The following CADM2 variants were observed in gnomAD, a reference collection of about 807,000 sequenced individuals.
CADM2 encodes the protein immunoglobulin superfamily member 4D.
In CADM2, 12 loss-of-function variants were observed where a neutral mutation model predicts 49.8. The ratio of observed to expected loss-of-function variants is 0.24; its 90% CI spans 0.15 to 0.39. CADM2 has a LOEUF of 0.39. CADM2 is among the 10% of genes least tolerant of loss of function. The pLI, the probability that CADM2 is intolerant of heterozygous loss-of-function variation, is 1.00. For missense variants in CADM2, 378 were observed against 492.3 expected (o/e 0.77, Z 2.20); for synonymous variants, 214 against 175.4 (o/e 1.22, Z -1.74).
chr3:85,430,310 G>C (rs994770442), intron 1 of CADM2, among the ~76,000 whole-genome samples: 1 of 152,024 alleles, frequency 6.6e-6, no homozygotes, highest in African/African-American at 2.4e-5. Flanking sequence ...TTATGATCAT[G>C]TTTCCTATTT....
At chr3:85,360,789 A>ATGT in intron 1 of CADM2, among the ~76,000 whole-genome samples, 1 of 152,272 alleles carries the variant, frequency 6.6e-6, no homozygotes, top group South Asian at 2.1e-4. Context: ...GAGTGTTGTT[A>ATGT]CAAACTGGTG....
At chr3:85,658,842 G>A (rs1204825824) in intron 1 of CADM2, among the ~76,000 whole-genome samples, 2 of 149,850 alleles carry the variant, frequency 1.3e-5, no homozygotes, top group Non-Finnish European at 3.0e-5. Flanking sequence ...CTTAATGCCA[G>A]GAGATGGAGA....
intron 1 of CADM2, among the ~76,000 whole-genome samples, chr3:85,418,243 A>G (rs1272776556): frequency 1.3e-5 from 2 of 152,142 alleles, no homozygotes; most frequent in African/African-American, 2.4e-5. Flanking sequence ...CAAAATCCAT[A>G]GAATTTACAA....
At chr3:85,131,587 T>C (rs1001399339) in intron 1 of CADM2, among the ~76,000 whole-genome samples, 6 of 152,190 alleles carry the variant, frequency 3.9e-5, no homozygotes, top group East Asian at 3.9e-4. Flanking sequence ...GGATACTATA[T>C]AGCGGGGCCC....
At chr3:85,550,978 G>GTTTA (rs570441969) in intron 1 of CADM2, among the ~76,000 whole-genome samples, 8,379 of 115,322 alleles carry the variant, frequency 0.073, 528 homozygotes, top group African/African-American at 0.16. Context: ...TTGTTTGTTT[G>GTTTA]TTTATTTATT....
At chr3:85,565,511 T>C (rs922770143) in intron 1 of CADM2, among the ~76,000 whole-genome samples, 2 of 152,072 alleles carry the variant, frequency 1.3e-5, no homozygotes, top group African/African-American at 4.8e-5. Context: ...AGCATAATAC[T>C]TTATTTTTTA....
intron 1 of CADM2, among the ~76,000 whole-genome samples, chr3:85,188,195 G>A (rs2041110309): frequency 6.6e-6 from 1 of 151,946 alleles, no homozygotes; most frequent in African/African-American, 2.4e-5. Flanking sequence ...ATTTTAAAAT[G>A]TTTTCAGCAT....
chr3:85,304,471 C>T (rs1227875413), intron 1 of CADM2, among the ~76,000 whole-genome samples: 1 of 151,642 alleles, frequency 6.6e-6, no homozygotes, highest in Non-Finnish European at 1.5e-5. Flanking sequence ...ACTGACACTG[C>T]CAGCTCCACT....
chr3:85,613,627 T>G (rs1231862565), intron 1 of CADM2, among the ~76,000 whole-genome samples: 1 of 151,602 alleles, frequency 6.6e-6, no homozygotes, highest in Non-Finnish European at 1.5e-5. Flanking sequence ...CACTTTATAA[T>G]AATAACTAAT....
At position 85,708,429 on chromosome 3, in the gene CADM2, T is replaced by C. The variant is rs190413791; in HGVS notation, c.62-18093T>C. ...TAACTAACTTTGGGAGTCAGGGTAT[T>C]GCACCTCAACAAGCCGCAGTCTTTA... On this transcript the variant is annotated intron_variant, in intron 1 of 9. Coordinates refer to ENST00000383699, the MANE Select transcript of CADM2 (RefSeq NM_001167675.2). 7.7e-3 allele frequency among the ~76,000 whole-genome samples: 1,179 copies of C among 152,236 alleles called. 6 individuals are homozygous for C. Among genetic ancestry groups the C allele is most frequent in the Middle Eastern group, 0.02 (6 of 294 alleles).
At chr3:86,063,736 G>A (rs1235936085) in intron 8 of CADM2, among the ~76,000 whole-genome samples, 1 of 152,124 alleles carries the variant, frequency 6.6e-6, no homozygotes, top group African/African-American at 2.4e-5. Flanking sequence ...CTATTTGTCA[G>A]ATTAATGTTC....
Position 86,067,475 on chromosome 3 carries a change from T to G in CADM2, c.*692T>G, listed in dbSNP as rs1482249824. The G allele has an allele frequency of 6.6e-6, 1 of 152,558 alleles. No homozygotes were observed. The highest frequency in any genetic ancestry group is 1.5e-5 in the Non-Finnish European group (1 of 67,970). The allele number at this position is 152,558 out of a possible 1,614,324, so 9.5% of individuals were successfully genotyped here. A position where few individuals can be genotyped will look rare whatever the true frequency, so the allele number is the denominator to read the frequency against. On this transcript the variant is annotated 3_prime_UTR_variant, in exon 10 of 10. Coordinates refer to ENST00000383699, the MANE Select transcript of CADM2 (RefSeq NM_001167675.2). The stretch of plus-strand genomic sequence containing the variant: ...TTCTATAATTATAGAGATCTTACTA[T>G]TAGGATATTGTAGCTTCATTTACCA...
At chr3:85,652,964 G>A (rs1010373020) in intron 1 of CADM2, among the ~76,000 whole-genome samples, 12 of 150,826 alleles carry the variant, frequency 8.0e-5, no homozygotes, top group Admixed American at 6.6e-5. Flanking sequence ...AAGTAGAGAC[G>A]GGGTTTCACC....
chr3:85,626,302 G>C (rs775848856), intron 1 of CADM2, among the ~76,000 whole-genome samples: 9 of 151,798 alleles, frequency 5.9e-5, no homozygotes, highest in Non-Finnish European at 1.0e-4. Context: ...CTATCAACTT[G>C]TTCTTAGTCA....
chr3:85,789,508 A>G (rs144061588), intron 2 of CADM2, among the ~76,000 whole-genome samples: 4 of 152,250 alleles, frequency 2.6e-5, no homozygotes, highest in African/African-American at 9.6e-5. Flanking sequence ...TTTTCTTTTC[A>G]TTTTGAAATT....
intron 1 of CADM2, among the ~76,000 whole-genome samples, chr3:85,295,108 A>G (rs576861444): frequency 6.6e-6 from 1 of 152,068 alleles, no homozygotes; most frequent in Non-Finnish European, 1.5e-5. Flanking sequence ...AAAACAAACA[A>G]CCCCATCAAA....
chr3:85,716,707 C>T lies in CADM2; in HGVS notation c.62-9815C>T, dbSNP rs564937845. The stretch of plus-strand genomic sequence containing the variant: ...AAGGAAGGGGTCCAGTTTCAGTTTT[C>T]TGCATATGGCCATCCAGTTTTCCCA... On this transcript the variant is annotated intron_variant, in intron 1 of 9. Coordinates refer to ENST00000383699, the MANE Select transcript of CADM2 (RefSeq NM_001167675.2). 4.5e-4 allele frequency among the ~76,000 whole-genome samples: 69 copies of T among 152,256 alleles called. 1 individual carries two copies. Among genetic ancestry groups the T allele is most frequent in the African/African-American group, 1.6e-3 (67 of 41,556 alleles).
Position 85,635,008 on chromosome 3 carries a change from T to C in CADM2, c.62-91514T>C, listed in dbSNP as rs568050714. On this transcript the variant is annotated intron_variant, in intron 1 of 9. Transcript: ENST00000383699. ...AGCAGTTCCTATGTGATGGGAGTGC[T>C]GTTAAACCAAATTATTTGATCCATG... Among the ~76,000 whole-genome samples the C allele has an allele frequency of 2.0e-4, 30 of 152,178 alleles. 1 individual carries two copies. Among genetic ancestry groups the C allele is most frequent in the Admixed American group, 2.0e-3 (30 of 15,276 alleles).
At chr3:85,936,965 A>G (rs1020749915) in intron 7 of CADM2, among the ~76,000 whole-genome samples, 1 of 151,844 alleles carries the variant, frequency 6.6e-6, no homozygotes, top group African/African-American at 2.4e-5. Flanking sequence ...CATTTGGATT[A>G]TGTGCACAAT....
Sources: gnomAD v4.1 joint callset for allele counts (sites outside exome capture counted in the v4.1 genomes callset) on GRCh38, gnomAD v4.1.1 for gene constraint, MANE v1.5 for transcripts, NCBI Gene and HGNC (gene_info 2026-07-23, HGNC 2026-07-21) for gene names.